AFAP1L1: variants seen among roughly 807,000 people sequenced by gnomAD.
AFAP1L1 encodes actin filament associated protein 1 like 1, also known as actin filament-associated protein 1-like 1.
AFAP1L1 carries 77 observed loss-of-function variants against 99.8 expected under a neutral mutation model. The observed-to-expected ratio is 0.77, with a 90% CI of 0.64 to 0.93. The LOEUF (loss-of-function observed/expected upper bound fraction) is 0.93. Among genes scored for constraint, AFAP1L1 ranks in the 40% least tolerant of loss-of-function variants. AFAP1L1 has a pLI of 0.00. For synonymous variants in AFAP1L1, 373 were observed against 395.3 expected (o/e 0.94, Z 0.67); for missense variants, 893 against 996.8 (o/e 0.90, Z 1.40).
Position 149,307,565 on chromosome 5 carries a change from C to T in AFAP1L1, c.699C>T (p.Phe233=), listed in dbSNP as rs201319904. The T allele has an allele frequency of 8.2e-5, 133 of 1,613,476 alleles. 1 individual carries two copies. In the African/African-American group the frequency reaches 1.0e-3, roughly 12 times the overall value. The change falls in exon 7 of 19, where the codon TTC becomes TTT. Residue 233 remains phenylalanine, a synonymous_variant. Coordinates refer to ENST00000296721, the MANE Select transcript of AFAP1L1 (RefSeq NM_152406.4). The part of the protein sequence containing the change: ...ICAFLLRKKR[F]GQWAKQLTVI... ...CCTTCCTGCTGCGGAAAAAGCGTTT[C>T]GGGCAGTGGGCCAAGCAGCTGACGG...
At chr5:149,311,263 G>A (rs995735200) in intron 8 of AFAP1L1, among the ~76,000 whole-genome samples, 7 of 152,214 alleles carry the variant, frequency 4.6e-5, no homozygotes, top group Non-Finnish European at 8.8e-5. Flanking sequence ...AGGGAAAGAA[G>A]GGAGAGAACC....
At chr5:149,286,930 G>C (rs964209212) in intron 1 of AFAP1L1, among the ~76,000 whole-genome samples, 29 of 152,322 alleles carry the variant, frequency 1.9e-4, no homozygotes, top group Middle Eastern at 6.8e-3. Flanking sequence ...AAAACACAGC[G>C]CACTGTGGGA....
At chr5:149,273,125 C>T (rs969782645) in intron 1 of AFAP1L1, among the ~76,000 whole-genome samples, 16 of 150,788 alleles carry the variant, frequency 1.1e-4, no homozygotes, top group African/African-American at 3.9e-4. Context: ...GAATCAGAAC[C>T]CCAGGGTTTC....
intron 12 of AFAP1L1, among the ~76,000 whole-genome samples, 158 bp from the exon 13 acceptor site, chr5:149,319,424 G>A (rs947946857): frequency 2.0e-5 from 3 of 152,194 alleles, no homozygotes; most frequent in African/African-American, 7.2e-5. Flanking sequence ...GAGCCTCTTG[G>A]ATTTCTGGAT....
chr5:149,331,129 G>T (rs1757243526), intron 16 of AFAP1L1, among the ~76,000 whole-genome samples: 1 of 152,018 alleles, frequency 6.6e-6, no homozygotes, highest in African/African-American at 2.4e-5. Context: ...ACTAATATAG[G>T]TTTGTTAGAT....
intron 1 of AFAP1L1, among the ~76,000 whole-genome samples, chr5:149,297,027 TC>T (rs1362079389): frequency 6.6e-6 from 1 of 152,126 alleles, no homozygotes; most frequent in African/African-American, 2.4e-5. Context: ...ACTGGGTCTC[TC>T]CCATGATACG....
Position 149,320,328 on chromosome 5 carries a change from A to T in AFAP1L1, c.1626-63A>T. ...AGAATCAATGAGAGTGAGGACACGA[A>T]AGCACTGTAAGCTGCAAAGCATCAT... On this transcript the variant is annotated intron_variant, in intron 13 of 18. Coordinates refer to ENST00000296721, the MANE Select transcript of AFAP1L1 (RefSeq NM_152406.4). The surrounding 1 kb of genome is among the most constrained non-coding windows in gnomAD (Gnocchi z 4.0). The T allele has an allele frequency of 2.0e-6, 3 of 1,524,044 alleles. No individual in the cohort carries two copies. In the South Asian group the frequency reaches 3.4e-5, roughly 17 times the overall value. The allele number at this position is 1,524,044 out of a possible 1,614,324, so 94.4% of individuals were successfully genotyped here.
intron 17 of AFAP1L1, among the ~76,000 whole-genome samples, chr5:149,335,324 C>A (rs1051302368): frequency 6.6e-6 from 1 of 152,038 alleles, no homozygotes; most frequent in Non-Finnish European, 1.5e-5. Flanking sequence ...CCCATCTCTA[C>A]TAAAAATACA....
Position 149,341,746 on chromosome 5 carries a change from C to G in AFAP1L1, c.*1716C>G, listed in dbSNP as rs1325221946. ...AATTGCCACTGCACTCCAGCCTAAG[C>G]AAATAGCAAGACCCCATCTATTAAA... is the stretch of plus-strand genomic sequence containing the variant. On this transcript the variant is annotated 3_prime_UTR_variant, in exon 19 of 19. Coordinates refer to ENST00000296721, the MANE Select transcript of AFAP1L1 (RefSeq NM_152406.4). 2.0e-5 allele frequency: 3 copies of G among 151,500 alleles called. No homozygotes were observed. The highest frequency in any genetic ancestry group is 2.4e-5 in the African/African-American group (1 of 41,178). The allele number at this position is 151,500 out of a possible 1,614,324, so 9.4% of individuals were successfully genotyped here.
intron 11 of AFAP1L1, among the ~76,000 whole-genome samples, chr5:149,316,679 G>A (rs1756808783): frequency 6.6e-6 from 1 of 152,134 alleles, no homozygotes; most frequent in Admixed American, 6.5e-5. Flanking sequence ...ATATTATAGG[G>A]AAATTTATTG....
At position 149,280,658 on chromosome 5, in the gene AFAP1L1, C is replaced by G. The variant is rs372069424; in HGVS notation, c.16+8674C>G. On this transcript the variant is annotated intron_variant, in intron 1 of 18. Coordinates refer to ENST00000296721, the MANE Select transcript of AFAP1L1 (RefSeq NM_152406.4). ...GTCTGGGTCTGTTACCCAAAGCAAC[C>G]TCTGAAAGCATGAAATGTCTCATTT... Among the ~76,000 whole-genome samples the G allele has an allele frequency of 1.7e-3, 262 of 152,322 alleles. 3 individuals are homozygous for G. Among genetic ancestry groups the G allele is most frequent in the African/African-American group, 6.1e-3 (254 of 41,576 alleles).
At chr5:149,278,808 A>G (rs1447249487) in intron 1 of AFAP1L1, among the ~76,000 whole-genome samples, 6 of 151,932 alleles carry the variant, frequency 3.9e-5, no homozygotes, top group Admixed American at 2.0e-4. Flanking sequence ...CTCTGTCTCT[A>G]TCTTCTTGCT....
intron 9 of AFAP1L1, among the ~76,000 whole-genome samples, chr5:149,313,488 A>G (rs759123335): frequency 1.3e-5 from 2 of 152,244 alleles, no homozygotes; most frequent in Admixed American, 6.5e-5. Flanking sequence ...GCCCAAGGTC[A>G]CATAGTAAAT....
intron 7 of AFAP1L1, 41 bp downstream of exon 7, chr5:149,307,654 G>C (rs202020980): frequency 1.6e-5 from 25 of 1,583,160 alleles, no homozygotes; most frequent in Non-Finnish European, 2.1e-5. Context: ...GCCTCACATG[G>C]ACTTGCATGT....
chr5:149,303,731 T>G (rs1047745142), intron 5 of AFAP1L1, among the ~76,000 whole-genome samples: 1 of 152,210 alleles, frequency 6.6e-6, no homozygotes, highest in Non-Finnish European at 1.5e-5. Context: ...TTCAAGGATA[T>G]GCAAGGAACT....
chr5:149,296,389 G>C (rs760802929), intron 1 of AFAP1L1, among the ~76,000 whole-genome samples: 1 of 152,138 alleles, frequency 6.6e-6, no homozygotes, highest in Non-Finnish European at 1.5e-5. Context: ...CAGAATAACC[G>C]GTATAGGGAT....
chr5:149,305,878 C>CCACACACACACACACACACACACACA, intron 5 of AFAP1L1, among the ~76,000 whole-genome samples: 1 of 142,572 alleles, frequency 7.0e-6, no homozygotes, highest in East Asian at 2.1e-4. Context: ...GACCAACACA[C>CCACACACACACACACACACACACACA]CACACACACA....
At position 149,322,658 on chromosome 5, in the gene AFAP1L1, C is replaced by T. The variant is rs1432566362; in HGVS notation, c.1751C>T (p.Ser584Phe). ...GCCCAGGTGAAGCGTCACGCCTCCTCCTGCAGTGAGAAGTCCCATCGTGTG... is the reference window on the plus strand; with the variant it reads ...GCCCAGGTGAAGCGTCACGCCTCCTTCTGCAGTGAGAAGTCCCATCGTGTG... The part of the protein sequence containing the change: ...TGAQVKRHAS[S>F]CSEKSHRVDP... Residue 584 changes from serine to phenylalanine, a missense_variant, in exon 15 of 19, where the codon TCC becomes TTC. Transcript: ENST00000296721. 2.5e-6 allele frequency: 4 copies of T among 1,595,114 alleles called. No homozygotes were observed. Among genetic ancestry groups the T allele is most frequent in the Non-Finnish European group, 3.4e-6 (4 of 1,170,112 alleles).
At chr5:149,337,676 A>G (rs976819103) in intron 18 of AFAP1L1, among the ~76,000 whole-genome samples, 1 of 152,232 alleles carries the variant, frequency 6.6e-6, no homozygotes, top group Admixed American at 6.5e-5. Flanking sequence ...AGGAACTTCC[A>G]AGCCAGTGAA....
Sources: gnomAD v4.1 joint callset for allele counts (sites outside exome capture counted in the v4.1 genomes callset) on GRCh38, gnomAD v4.1.1 for gene constraint, Gnocchi (gnomAD v3.1) non-coding constraint, MANE v1.5 for transcripts, NCBI Gene and HGNC (gene_info 2026-07-23, HGNC 2026-07-21) for gene names.